RELN: variants seen among roughly 807,000 people sequenced by gnomAD.
RELN encodes reelin.
Under a neutral mutation model 427.6 loss-of-function variants are expected in RELN, and 108 were observed. That is an observed-to-expected ratio of 0.25 (90% CI 0.22 to 0.30). The LOEUF (loss-of-function observed/expected upper bound fraction) is 0.30, where lower values mean the gene tolerates loss of function less well. Among genes scored for constraint, RELN ranks in the 10% least tolerant of loss-of-function variants. The pLI, the probability that RELN is intolerant of heterozygous loss-of-function variation, is 1.00. For missense variants in RELN, 3,715 were observed against 4,302.8 expected, an observed-to-expected ratio of 0.86 and a Z score of 3.82; for synonymous variants, 1,524 against 1,513.4, an observed-to-expected ratio of 1.01 and a Z score of -0.16.
intron 34 of RELN, 100 bp from the exon 35 acceptor site, chr7:103,562,053 CT>C (rs1231898402): frequency 1.4e-6 from 2 of 1,395,738 alleles, no homozygotes; most frequent in African/African-American, 1.4e-5. Context: ...TTTAAAGTGC[CT>C]TCCTCCAGGG....
At chr7:103,643,696 T>C (rs1003120978) in intron 16 of RELN, among the ~76,000 whole-genome samples, 1 of 152,018 alleles carries the variant, frequency 6.6e-6, no homozygotes, top group African/African-American at 2.4e-5. Flanking sequence ...ACAGTGGAAT[T>C]CTTGTTAGAA....
chr7:103,966,573 AT>A (rs1457162012), intron 1 of RELN, among the ~76,000 whole-genome samples: 5 of 152,374 alleles, frequency 3.3e-5, no homozygotes, highest in African/African-American at 1.2e-4. Context: ...TGTTTTGCAT[AT>A]AATAAGGATA....
intron 34 of RELN, among the ~76,000 whole-genome samples, chr7:103,564,366 A>G (rs1830701560): frequency 6.6e-6 from 1 of 152,252 alleles, no homozygotes; most frequent in Non-Finnish European, 1.5e-5. Context: ...GTGGCAGAGC[A>G]GAGAAGCCAG....
Position 103,883,604 on chromosome 7 carries a change from T to G in RELN, c.337+33471A>C, listed in dbSNP as rs138263821. On this transcript the variant is annotated intron_variant, in intron 2 of 64. Coordinates refer to ENST00000428762, the MANE Select transcript of RELN (RefSeq NM_005045.4). Reference sequence around the variant, plus strand: ...GCAAAGTCTCAGCATACAAAATCAATGTGCAAAAGTCACAAGCATTCCTAA... The same window carrying G: ...GCAAAGTCTCAGCATACAAAATCAAGGTGCAAAAGTCACAAGCATTCCTAA... Among the ~76,000 whole-genome samples the G allele has an allele frequency of 3.9e-3, 601 of 152,278 alleles. 21 individuals carry two copies. The East Asian group carries it at 0.072, about 18-fold the overall frequency.
At chr7:103,649,765 TC>T (rs1303678106) in intron 16 of RELN, among the ~76,000 whole-genome samples, 8 of 151,912 alleles carry the variant, frequency 5.3e-5, no homozygotes, top group Admixed American at 3.3e-4. Context: ...AAGATATATA[TC>T]TAAGTTTTCT....
chr7:103,727,795 A>C lies in RELN; in HGVS notation c.753+316T>G, dbSNP rs79083711. Among the ~76,000 whole-genome samples the C allele has an allele frequency of 9.7e-3, 1,471 of 152,256 alleles. 27 individuals carry two copies. Among genetic ancestry groups the C allele is most frequent in the African/African-American group, 0.033 (1,388 of 41,546 alleles). ...TTTTAAGAGCATGGCTTTATAGAAG[A>C]ACTTAGAAGGTCATAAATTGTTTAT... On this transcript the variant is annotated intron_variant, in intron 7 of 64. Coordinates refer to ENST00000428762, the MANE Select transcript of RELN (RefSeq NM_005045.4).
chr7:103,772,587 G>A (rs1791596672), intron 4 of RELN, among the ~76,000 whole-genome samples: 1 of 152,134 alleles, frequency 6.6e-6, no homozygotes, highest in African/African-American at 2.4e-5. Flanking sequence ...GGAAGAGGGA[G>A]GGAATCAAAG....
At chr7:103,798,963 C>T (rs1792378041) in intron 3 of RELN, among the ~76,000 whole-genome samples, 1 of 152,156 alleles carries the variant, frequency 6.6e-6, no homozygotes, top group Non-Finnish European at 1.5e-5. Context: ...CGGTCTTTGC[C>T]CAGGGCCTAT....
chr7:103,565,360 G>T lies in RELN; in HGVS notation c.5128C>A (p.His1710Asn), dbSNP rs1830725754. ...GTGTAAATTGAACTTTCCGTGTAAT[G>T]CAGACAGCCAATGGTTGGAGGAACA... ...ECVPPTIGCL[H>N]YTESSIYTSE... Residue 1710 changes from histidine to asparagine, a missense_variant, in exon 34 of 65, where the codon CAT becomes AAT. His to Asn is a moderately conservative substitution (Grantham distance 68). Coordinates refer to ENST00000428762, the MANE Select transcript of RELN (RefSeq NM_005045.4). The T allele has an allele frequency of 5.0e-6, 8 of 1,614,082 alleles. No individual in the cohort carries two copies. The highest frequency in any genetic ancestry group is 6.8e-6 in the Non-Finnish European group (8 of 1,179,974).
rs113855530 is a variant in RELN, at chr7:103,515,501, G to A, written c.7863-60C>T. On this transcript the variant is annotated intron_variant, in intron 49 of 64. Coordinates refer to ENST00000428762, the MANE Select transcript of RELN (RefSeq NM_005045.4). ...AACCCTTGTCAAATATCTTCTCTGA[G>A]TAAAAGATTTACAACCAGCCATAAG... is the stretch of plus-strand genomic sequence containing the variant. The A allele has an allele frequency of 5.9e-5, 91 of 1,552,888 alleles. 3 individuals are homozygous for A. In the African/African-American group the frequency reaches 1.2e-3, roughly 21 times the overall value.
Position 103,916,233 on chromosome 7 carries a change from AATTT to A in RELN, c.337+838_337+841del, listed in dbSNP as rs374355001. On this transcript the variant is annotated intron_variant, in intron 2 of 64. Transcript: ENST00000428762. ...CTTCATATATCAAAAGGAGGTAGAA[AATTT>A]ATTTATTTGACAAACATCATAGAAA... Among the ~76,000 whole-genome samples, 1,096 of 152,284 alleles carry A rather than the reference AATTT, an allele frequency of 7.2e-3. 12 individuals are homozygous for A. Among genetic ancestry groups the A allele is most frequent in the African/African-American group, 0.024 (1,001 of 41,558 alleles).
chr7:103,913,481 C>T (rs1342887913), intron 2 of RELN, among the ~76,000 whole-genome samples: 1 of 152,116 alleles, frequency 6.6e-6, no homozygotes, highest in Non-Finnish European at 1.5e-5. Context: ...ATTATGTATT[C>T]AATAACTCTT....
chr7:103,867,505 G>A (rs1794228393), intron 2 of RELN, among the ~76,000 whole-genome samples: 1 of 152,012 alleles, frequency 6.6e-6, no homozygotes, highest in Non-Finnish European at 1.5e-5. Flanking sequence ...AACTGTGGAG[G>A]AGCTTCCTAT....
intron 11 of RELN, among the ~76,000 whole-genome samples, chr7:103,677,765 CAAAAAAAAAA>C (rs60678229): frequency 1.8e-5 from 1 of 56,032 alleles, no homozygotes; most frequent in African/African-American, 7.0e-5. Flanking sequence ...GAATCTGTCT[CAAAAAAAAAA>C]AAAAAAAAAA....
chr7:103,558,156 A>G lies in RELN; in HGVS notation c.5530-107T>C, dbSNP rs1259371439. The G allele has an allele frequency of 1.3e-5, 9 of 666,994 alleles. No individual in the cohort carries two copies. The South Asian group carries it at 1.5e-4, about 11-fold the overall frequency. The allele number at this position is 666,994 out of a possible 1,614,324, so 41.3% of individuals were successfully genotyped here. A position where few individuals can be genotyped will look rare whatever the true frequency, so the allele number is the denominator to read the frequency against. On this transcript the variant is annotated intron_variant, in intron 36 of 64. Transcript: ENST00000428762. Reference sequence around the variant, plus strand: ...ATTAGCTAAGTAATAAATACATATCATGATCAAGAAGCAAATTTTGCCTAG... The same window carrying G: ...ATTAGCTAAGTAATAAATACATATCGTGATCAAGAAGCAAATTTTGCCTAG...
intron 3 of RELN, among the ~76,000 whole-genome samples, chr7:103,819,262 G>A (rs1310613828): frequency 4.6e-5 from 7 of 151,836 alleles, no homozygotes; most frequent in Admixed American, 4.6e-4. Context: ...TTTATTTACT[G>A]AAATTCTTTT....
At chr7:103,596,164 G>T (rs763228529) in intron 25 of RELN, among the ~76,000 whole-genome samples, 2 of 152,176 alleles carry the variant, frequency 1.3e-5, no homozygotes, top group African/African-American at 4.8e-5. Context: ...GAAAATGAGC[G>T]TGGAACATCC....
intron 8 of RELN, among the ~76,000 whole-genome samples, chr7:103,721,574 A>G (rs1790078343): frequency 6.6e-6 from 1 of 152,176 alleles, no homozygotes. Flanking sequence ...TATTAGCAGT[A>G]TACTATTCAC....
intron 3 of RELN, among the ~76,000 whole-genome samples, chr7:103,818,280 A>T (rs1266987623): frequency 6.6e-6 from 1 of 152,206 alleles, no homozygotes; most frequent in Non-Finnish European, 1.5e-5. Context: ...CAACTGAATT[A>T]GTGTGCCTTA....
Sources: gnomAD v4.1 joint callset for allele counts (sites outside exome capture counted in the v4.1 genomes callset) on GRCh38, gnomAD v4.1.1 for gene constraint, MANE v1.5 for transcripts, NCBI Gene and HGNC (gene_info 2026-07-23, HGNC 2026-07-21) for gene names.